The following PCMTD1 variants were observed in gnomAD, a reference collection of about 807,000 sequenced individuals.
PCMTD1 encodes protein-L-isoaspartate (D-aspartate) O-methyltransferase domain containing 1.
In PCMTD1, 12 loss-of-function variants were observed where a neutral mutation model predicts 37.6. The ratio of observed to expected loss-of-function variants is 0.32; its 90% CI spans 0.20 to 0.52. The LOEUF (loss-of-function observed/expected upper bound fraction) is 0.52, where lower values mean the gene tolerates loss of function less well. PCMTD1 is among the 20% of genes least tolerant of loss of function. The pLI is 0.97. For synonymous variants in PCMTD1, 117 were observed against 135.8 expected (o/e 0.86, Z 0.96); for missense variants, 235 against 421.3 (o/e 0.56, Z 3.87).
chr8:51,822,170 C>T (rs2037858491), intron 5 of PCMTD1, among the ~76,000 whole-genome samples: 1 of 152,090 alleles, frequency 6.6e-6, no homozygotes, highest in Non-Finnish European at 1.5e-5. Context: ...CTTAGCATGT[C>T]CAAGGAGCCG....
At chr8:51,829,431 C>T (rs1221109245) in intron 5 of PCMTD1, among the ~76,000 whole-genome samples, 1 of 152,190 alleles carries the variant, frequency 6.6e-6, no homozygotes, top group African/African-American at 2.4e-5. Context: ...GCTGTCATTC[C>T]TTTCTCTTTT....
chr8:51,822,003 G>A (rs954800790), intron 5 of PCMTD1, among the ~76,000 whole-genome samples: 1 of 152,170 alleles, frequency 6.6e-6, no homozygotes, highest in Non-Finnish European at 1.5e-5. Context: ...CCAAAGTGCT[G>A]GGATTACAGG....
intron 5 of PCMTD1, among the ~76,000 whole-genome samples, chr8:51,829,580 TG>T (rs2129275029): frequency 6.6e-6 from 1 of 152,154 alleles, no homozygotes; most frequent in African/African-American, 2.4e-5. Flanking sequence ...GTCTGCCTAA[TG>T]TAAGGGTTGT....
intron 1 of PCMTD1, among the ~76,000 whole-genome samples, chr8:51,889,999 CA>C (rs5891439): frequency 0.29 from 22,934 of 80,230 alleles, 2,671 homozygotes; most frequent in African/African-American, 0.43. Context: ...AAGTCCTTAA[CA>C]AAAAAAAAAA....
At chr8:51,872,806 T>C (rs535573304) in intron 1 of PCMTD1, among the ~76,000 whole-genome samples, 1 of 152,306 alleles carries the variant, frequency 6.6e-6, no homozygotes, top group African/African-American at 2.4e-5. Context: ...TGAGCTCATA[T>C]CAAATGTACT....
In PCMTD1 at chr8:51,897,442, A is replaced by C. The variant is rs183897596; in HGVS notation, c.-96+1488T>G. On this transcript the variant is annotated intron_variant, in intron 1 of 5. Transcript: ENST00000522514. ...CTTTCCTACCTTACCTTTCCTTCAC[A>C]TATTAGCTACTTCATGTTAAAGAAA... Among the ~76,000 whole-genome samples the C allele has an allele frequency of 2.0e-5, 3 of 151,952 alleles. No individual in the cohort carries two copies. In the East Asian group the frequency reaches 5.8e-4, roughly 29 times the overall value.
chr8:51,831,234 G>A (rs753385134), intron 5 of PCMTD1, among the ~76,000 whole-genome samples: 11 of 151,406 alleles, frequency 7.3e-5, no homozygotes, highest in Non-Finnish European at 1.5e-4. Flanking sequence ...GGAGGCAGAC[G>A]TTGCTGTGAG....
At chr8:51,875,680 A>G (rs2038701147) in intron 1 of PCMTD1, among the ~76,000 whole-genome samples, 2 of 152,228 alleles carry the variant, frequency 1.3e-5, no homozygotes, top group Admixed American at 6.5e-5. Context: ...GCTCATGCCT[A>G]TAATCTCAGC....
chr8:51,825,699 T>A (rs1181965786), intron 5 of PCMTD1, among the ~76,000 whole-genome samples: 5 of 6,434 alleles, frequency 7.8e-4, no homozygotes, highest in African/African-American at 8.5e-4. Context: ...AGACTCCGTC[T>A]CAAAAAAAAA....
intron 1 of PCMTD1, among the ~76,000 whole-genome samples, chr8:51,891,028 C>G (rs143118023): frequency 2.6e-5 from 4 of 152,306 alleles, no homozygotes; most frequent in Non-Finnish European, 5.9e-5. Flanking sequence ...TTCTCCTTTT[C>G]TTTATCCATA....
chr8:51,875,963 T>C (rs1203959049), intron 1 of PCMTD1, among the ~76,000 whole-genome samples: 3 of 121,290 alleles, frequency 2.5e-5, no homozygotes, highest in African/African-American at 7.9e-5. Context: ...TGTGTGTGTC[T>C]GTGTGTGTGT....
chr8:51,835,590 GA>G (rs1277240908), intron 3 of PCMTD1, among the ~76,000 whole-genome samples: 3 of 152,036 alleles, frequency 2.0e-5, no homozygotes, highest in Non-Finnish European at 4.4e-5. Flanking sequence ...AAATTTTACA[GA>G]AATTCATTTT....
intron 1 of PCMTD1, among the ~76,000 whole-genome samples, chr8:51,876,258 T>G (rs1206816132): frequency 6.6e-6 from 1 of 152,206 alleles, no homozygotes; most frequent in Non-Finnish European, 1.5e-5. Flanking sequence ...CTCAGCAGCT[T>G]CATGGTGTTT....
At chr8:51,878,301 C>T (rs1438444214) in intron 1 of PCMTD1, among the ~76,000 whole-genome samples, 6 of 124,412 alleles carry the variant, frequency 4.8e-5, no homozygotes, top group Non-Finnish European at 6.7e-5. Context: ...GTGTATTTTA[C>T]GTGTGGCCCA....
intron 3 of PCMTD1, among the ~76,000 whole-genome samples, chr8:51,844,394 G>GT (rs1585805133): frequency 6.6e-6 from 1 of 151,966 alleles, no homozygotes. Context: ...TTGAACTACA[G>GT]TAAAAAAAAA....
intron 1 of PCMTD1, 148 bp from the exon 2 acceptor site, chr8:51,861,394 A>G: frequency 1.8e-6 from 1 of 542,594 alleles, no homozygotes; most frequent in Non-Finnish European, 3.0e-6. Context: ...TCTTAACTAT[A>G]TTATTTTATT....
Position 51,833,547 on chromosome 8 carries a change from CT to C in PCMTD1, c.552del (p.Gly185AlafsTer3). ...ENYMKILLKV[G>X]GILVMPIEDQ... ...TCCTCTATAGGCATGACTAATATGCCTCCAACTTTTAGTAATATTTTCATGT... is the reference window on the plus strand; with the variant it reads ...TCCTCTATAGGCATGACTAATATGCCCCAACTTTTAGTAATATTTTCATGT... On this transcript the variant is annotated frameshift_variant, in exon 4 of 6. Coordinates refer to ENST00000522514, the MANE Select transcript of PCMTD1 (RefSeq NM_052937.4). LOFTEE classifies it high-confidence loss of function. The C allele has an allele frequency of 1.2e-6, 2 of 1,612,440 alleles. No homozygotes were observed. The highest frequency in any genetic ancestry group is 1.7e-6 in the Non-Finnish European group (2 of 1,179,252).
intron 2 of PCMTD1, among the ~76,000 whole-genome samples, chr8:51,854,877 T>C (rs2038360253): frequency 2.5e-5 from 3 of 117,710 alleles, no homozygotes; most frequent in South Asian, 5.2e-4. Context: ...AAGACTTGTC[T>C]CAAAAAAAAA....
intron 2 of PCMTD1, 131 bp downstream of exon 2, chr8:51,860,714 G>T: frequency 1.3e-6 from 1 of 766,282 alleles, no homozygotes; most frequent in Non-Finnish European, 2.0e-6. Context: ...TCACATCTAA[G>T]TAAGGAAGAT....
Sources: allele counts gnomAD v4.1 joint callset (sites outside exome capture counted in the v4.1 genomes callset), GRCh38; gene constraint gnomAD v4.1.1; transcripts MANE v1.5; gene names NCBI Gene and HGNC (gene_info 2026-07-23, HGNC 2026-07-21).